The following ADGRG7 variants were observed in gnomAD, a reference collection of about 807,000 sequenced individuals.
ADGRG7 encodes the protein adhesion G protein-coupled receptor G7, also known as G-protein coupled receptor 128.
A neutral mutation model predicts 88.6 loss-of-function variants in ADGRG7; 82 were observed. That is an observed-to-expected ratio of 0.93 (90% CI 0.77 to 1.11). The LOEUF is 1.11. Ranked by LOEUF, ADGRG7 falls within the 50% of genes most tolerant of loss-of-function variation. The probability of loss-of-function intolerance (pLI) is 0.00; values close to 1 mark genes in which losing one functional copy is unlikely to be tolerated. For synonymous variants in ADGRG7, 381 were observed against 345.2 expected (o/e 1.10, Z -1.15); for missense variants, 945 against 953.4 (o/e 0.99, Z 0.12).
At chr3:100,643,444 C>A (rs1475055985) in intron 7 of ADGRG7, 39 bp downstream of exon 7, 2 of 1,611,554 alleles carry the variant, frequency 1.2e-6, no homozygotes, top group African/African-American at 1.3e-5. Context: ...CAGCAAAGAG[C>A]ATTCTGCTAC....
intron 14 of ADGRG7, among the ~76,000 whole-genome samples, chr3:100,662,942 A>G (rs2094947414): frequency 6.6e-6 from 1 of 152,176 alleles, no homozygotes. Flanking sequence ...AGGGAAATCT[A>G]TACAAATGTT....
chr3:100,626,402 G>C (rs1198533143), intron 1 of ADGRG7, among the ~76,000 whole-genome samples: 1 of 152,116 alleles, frequency 6.6e-6, no homozygotes, highest in Non-Finnish European at 1.5e-5. Context: ...GATTTTGACT[G>C]TATCAATTTG....
intron 14 of ADGRG7, among the ~76,000 whole-genome samples, chr3:100,663,217 A>T (rs2094947806): frequency 6.6e-6 from 1 of 152,140 alleles, no homozygotes; most frequent in African/African-American, 2.4e-5. Flanking sequence ...AAACTAAAAC[A>T]TGCAAGAAAA....
intron 15 of ADGRG7, among the ~76,000 whole-genome samples, chr3:100,692,635 G>C (rs2094995864): frequency 6.6e-6 from 1 of 152,190 alleles, no homozygotes; most frequent in Non-Finnish European, 1.5e-5. Flanking sequence ...AACTTAGGCT[G>C]TTATTCAGCT....
intron 15 of ADGRG7, among the ~76,000 whole-genome samples, chr3:100,670,061 C>G (rs1000057429): frequency 6.6e-6 from 1 of 151,942 alleles, no homozygotes; most frequent in African/African-American, 2.4e-5. Context: ...TTATTATTAA[C>G]TATAATCACC....
At chr3:100,661,315 A>G (rs1415882911) in intron 14 of ADGRG7, among the ~76,000 whole-genome samples, 1 of 152,250 alleles carries the variant, frequency 6.6e-6, no homozygotes. Context: ...AAAAGCAAGC[A>G]TGTCTGTGAG....
At chr3:100,680,136 T>A (rs1156602061) in intron 15 of ADGRG7, among the ~76,000 whole-genome samples, 1 of 152,246 alleles carries the variant, frequency 6.6e-6, no homozygotes, top group Admixed American at 6.5e-5. Context: ...AACTTTTGCA[T>A]CACATATTTT....
chr3:100,656,025 T>TTAAATTTA (rs2094937066), intron 13 of ADGRG7, 30 bp downstream of exon 13: 1 of 1,365,374 alleles, frequency 7.3e-7, no homozygotes, highest in East Asian at 2.3e-5. Context: ...AATGTCCAAT[T>TTAAATTTA]GTTTGACCTA....
chr3:100,649,548 G>A (rs570105421), intron 10 of ADGRG7, 147 bp from the exon 11 acceptor site: 28 of 507,328 alleles, frequency 5.5e-5, no homozygotes, highest in African/African-American at 1.6e-4. Flanking sequence ...AATGTATTTC[G>A]CTTTTAAATA....
At chr3:100,688,291 T>C (rs370169832) in intron 15 of ADGRG7, among the ~76,000 whole-genome samples, 2 of 152,228 alleles carry the variant, frequency 1.3e-5, no homozygotes, top group East Asian at 1.9e-4. Context: ...GTCTTGCTAG[T>C]GGTCTATCAA....
At chr3:100,658,849 C>G (rs1478639861) in intron 13 of ADGRG7, among the ~76,000 whole-genome samples, 1 of 152,164 alleles carries the variant, frequency 6.6e-6, no homozygotes, top group Non-Finnish European at 1.5e-5. Flanking sequence ...TGTAACCTCA[C>G]TAAAGAAGGG....
At chr3:100,644,400 C>CT (rs1437606518) in intron 8 of ADGRG7, among the ~76,000 whole-genome samples, 12 of 152,290 alleles carry the variant, frequency 7.9e-5, no homozygotes, top group Admixed American at 2.6e-4. Flanking sequence ...AGATCTAAGT[C>CT]TTCTATCTTC....
At chr3:100,645,495 G>A (rs1291098967) in intron 8 of ADGRG7, among the ~76,000 whole-genome samples, 1 of 152,196 alleles carries the variant, frequency 6.6e-6, no homozygotes. Flanking sequence ...ACAGGAGACC[G>A]ACCTCATCTG....
intron 13 of ADGRG7, among the ~76,000 whole-genome samples, chr3:100,657,704 A>G (rs1364967010): frequency 6.6e-6 from 1 of 152,152 alleles, no homozygotes; most frequent in African/African-American, 2.4e-5. Context: ...GTCCATAGCT[A>G]TTTGTCAGAT....
chr3:100,690,216 CA>C (rs1189497265), intron 15 of ADGRG7, among the ~76,000 whole-genome samples: 2 of 152,238 alleles, frequency 1.3e-5, no homozygotes, highest in Non-Finnish European at 2.9e-5. Context: ...CCGTGGTTTT[CA>C]GCTCCATCAC....
At chr3:100,644,880 T>C (rs1022495220) in intron 8 of ADGRG7, among the ~76,000 whole-genome samples, 1 of 152,112 alleles carries the variant, frequency 6.6e-6, no homozygotes, top group African/African-American at 2.4e-5. Context: ...TGCTCCATTA[T>C]TAGGGTTAAC....
intron 9 of ADGRG7, 149 bp downstream of exon 9, chr3:100,646,257 C>T: frequency 1.4e-6 from 1 of 706,536 alleles, no homozygotes; most frequent in South Asian, 2.0e-5. Flanking sequence ...AATAAAAATT[C>T]AGACCACTCT....
intron 10 of ADGRG7, among the ~76,000 whole-genome samples, chr3:100,648,780 CTAATTT>C: frequency 7.0e-6 from 1 of 143,550 alleles, no homozygotes; most frequent in Middle Eastern, 3.7e-3. Flanking sequence ...CATTGCTTTT[CTAATTT>C]TAACAACTTA....
intron 15 of ADGRG7, 42 bp downstream of exon 15, chr3:100,669,147 G>T (rs772162545): frequency 1.4e-6 from 2 of 1,408,062 alleles, no homozygotes; most frequent in Non-Finnish European, 1.9e-6. Flanking sequence ...ACACGCAGTG[G>T]TGGAGATATC....
Sources: allele counts gnomAD v4.1 joint callset (sites outside exome capture counted in the v4.1 genomes callset), GRCh38; gene constraint gnomAD v4.1.1; transcripts MANE v1.5; gene names NCBI Gene and HGNC (gene_info 2026-07-23, HGNC 2026-07-21).